INTS6L: variants seen among roughly 807,000 people sequenced by gnomAD.
The protein encoded by INTS6L is integrator complex subunit 6-like.
In INTS6L, 18 loss-of-function variants were observed where a neutral mutation model predicts 64.7. The observed-to-expected ratio is 0.28, with a 90% CI of 0.19 to 0.41. The LOEUF is 0.41. INTS6L is among the 10% of genes least tolerant of loss of function. The pLI is 1.00. For synonymous variants in INTS6L, 227 were observed against 235.9 expected (o/e 0.96, Z 0.34); for missense variants, 533 against 661.0 (o/e 0.81, Z 2.12).
At chrX:135,581,219 G>A in intron 17 of INTS6L, 76 bp downstream of exon 17, 2 of 776,236 alleles carry the variant, frequency 2.6e-6, no homozygotes, top group Non-Finnish European at 3.6e-6. Context: ...GAAAAAGAGA[G>A]GAATAGGCTC....
intron 8 of INTS6L, among the ~76,000 whole-genome samples, chrX:135,552,551 A>G (rs1556517447): frequency 8.9e-6 from 1 of 112,107 alleles, no homozygotes; most frequent in African/African-American, 3.2e-5. Context: ...GCAGAGAACC[A>G]TAAGTCCTGA....
rs782149398 is a variant in INTS6L at position 135,552,149 on chromosome X, A to G, written c.1059+3A>G. On this transcript the variant is annotated splice_donor_region_variant and intron_variant, in intron 8 of 17. Transcript: ENST00000639893. ...AGTCTCCCCATACCTGCTGGCAGGT[A>G]CTTATCCTTACCTATTAGCTAAATG... is the stretch of plus-strand genomic sequence containing the variant. The G allele has an allele frequency of 1.7e-6, 2 of 1,178,733 alleles. No individual in the cohort carries two copies. The highest frequency in any genetic ancestry group is 2.3e-6 in the Non-Finnish European group (2 of 882,526).
At chrX:135,531,592 G>A (rs1303999242) in intron 2 of INTS6L, among the ~76,000 whole-genome samples, 6 of 112,068 alleles carry the variant, frequency 5.4e-5, no homozygotes, top group Admixed American at 1.9e-4. Context: ...AGGTCCTCAT[G>A]TTTTTATGCT....
Position 135,570,549 on chromosome X carries a change from A to G in INTS6L, c.1398+3A>G, listed in dbSNP as rs2087064875. On this transcript the variant is annotated splice_donor_region_variant and intron_variant, in intron 11 of 17. Coordinates refer to ENST00000639893, the MANE Select transcript of INTS6L (RefSeq NM_001351601.3). ...ACCTTAAAAAACTCAGCCAACAGGT[A>G]GTATTGGTAAAAACAAACAAACAAA... is the stretch of plus-strand genomic sequence containing the variant. 8.7e-7 allele frequency: 1 copy of G among 1,151,552 alleles called. No individual in the cohort carries two copies. Among genetic ancestry groups the G allele is most frequent in the Non-Finnish European group, 1.1e-6 (1 of 871,503 alleles). The allele number at this position is 1,151,552 out of a possible 1,213,427, so 94.9% of individuals were successfully genotyped here. A position where few individuals can be genotyped will look rare whatever the true frequency, so the allele number is the denominator to read the frequency against.
Position 135,542,308 on chromosome X carries a change from G to A in INTS6L, c.190-3115G>A, listed in dbSNP as rs138922478. Among the ~76,000 whole-genome samples, 762 of 111,114 alleles carry A rather than the reference G, an allele frequency of 6.9e-3. 5 individuals carry two copies. Among genetic ancestry groups the A allele is most frequent in the African/African-American group, 0.023 (688 of 30,460 alleles). ...AGCTCAGGAGTTCAAGACTGCCCTG[G>A]GCAACATGGTGAAACCCTGAATATA... On this transcript the variant is annotated intron_variant, in intron 2 of 17. Coordinates refer to ENST00000639893, the MANE Select transcript of INTS6L (RefSeq NM_001351601.3).
chrX:135,560,057 G>A (rs10127349), intron 9 of INTS6L, among the ~76,000 whole-genome samples: 9,491 of 111,812 alleles, frequency 0.085, 659 homozygotes, highest in African/African-American at 0.22. Flanking sequence ...TGACAGATAG[G>A]TGACTTGCAA....
intron 6 of INTS6L, 48 bp from the exon 7 acceptor site, chrX:135,549,594 C>T (rs781956668): frequency 8.6e-7 from 1 of 1,161,654 alleles, no homozygotes; most frequent in South Asian, 2.0e-5. Flanking sequence ...AGATCAGCAG[C>T]TGTAAAAAGA....
rs1438927039 is a variant in INTS6L, at chrX:135,520,854, C to G, written c.-139C>G. The G allele has an allele frequency of 2.0e-5, 12 of 608,279 alleles. No individual in the cohort carries two copies. The highest frequency in any genetic ancestry group is 2.6e-5 in the South Asian group (1 of 37,934). The allele number at this position is 608,279 out of a possible 1,213,427, so 50.1% of individuals were successfully genotyped here. ...AGGCCAGGAGCGGTCCCATCCGTCCCGTCCCGTCCCGTCTCCCCCTCTTCC... is the reference window on the plus strand; with the variant it reads ...AGGCCAGGAGCGGTCCCATCCGTCCGGTCCCGTCCCGTCTCCCCCTCTTCC... On this transcript the variant is annotated 5_prime_UTR_variant, in exon 1 of 18. Transcript: ENST00000639893.
intron 2 of INTS6L, 151 bp downstream of exon 2, chrX:135,521,469 C>T: frequency 3.9e-6 from 2 of 516,530 alleles, no homozygotes; most frequent in Non-Finnish European, 5.9e-6. Flanking sequence ...GTGGTGCCGT[C>T]GGCGGCTTCG....
Position 135,577,431 on chromosome X carries a change from T to C in INTS6L, c.2119+4T>C. On this transcript the variant is annotated splice_donor_region_variant and intron_variant, in intron 15 of 17. Coordinates refer to ENST00000639893, the MANE Select transcript of INTS6L (RefSeq NM_001351601.3). ...AAACCCACCCTTGTACATACAGGTA[T>C]AGAGTAGTGGTTGTGATTTCCTTAT... 4 of 1,206,368 alleles carry C rather than the reference T, an allele frequency of 3.3e-6. No individual in the cohort carries two copies. Among genetic ancestry groups the C allele is most frequent in the East Asian group, 3.0e-5 (1 of 33,775 alleles).
intron 9 of INTS6L, among the ~76,000 whole-genome samples, chrX:135,557,245 G>A (rs1475843339): frequency 3.6e-5 from 4 of 111,641 alleles, no homozygotes; most frequent in Admixed American, 1.9e-4. Context: ...GTAAAAAAGT[G>A]TCTGTATTTT....
chrX:135,538,372 A>G (rs781858251), intron 2 of INTS6L, among the ~76,000 whole-genome samples: 2 of 112,547 alleles, frequency 1.8e-5, no homozygotes, highest in East Asian at 5.5e-4. Flanking sequence ...CTCATTCATT[A>G]AAGTTTTATT....
chrX:135,580,292 G>T, intron 16 of INTS6L, 130 bp downstream of exon 16: 2 of 751,505 alleles, frequency 2.7e-6, no homozygotes, highest in Non-Finnish European at 3.6e-6. Context: ...GTTTAAGGCA[G>T]TTCCTCTTGT....
chrX:135,544,986 A>T (rs1391954166), intron 2 of INTS6L, among the ~76,000 whole-genome samples: 2 of 112,115 alleles, frequency 1.8e-5, no homozygotes, highest in African/African-American at 6.5e-5. Context: ...CGGTGGAAGA[A>T]TCTTGGTTAG....
intron 8 of INTS6L, among the ~76,000 whole-genome samples, chrX:135,555,633 G>C (rs2086630759): frequency 8.9e-6 from 1 of 112,115 alleles, no homozygotes; most frequent in South Asian, 3.7e-4. Flanking sequence ...TTGTTGCATA[G>C]TATAGTTTCA....
At chrX:135,568,416 C>T (rs1309153903) in intron 9 of INTS6L, among the ~76,000 whole-genome samples, 3 of 110,158 alleles carry the variant, frequency 2.7e-5, no homozygotes, top group Non-Finnish European at 5.7e-5. Context: ...CACCCAATGA[C>T]TTTAGGTCAG....
chrX:135,572,262 TAA>T (rs1398827586), intron 11 of INTS6L: 1 of 112,767 alleles, frequency 8.9e-6, no homozygotes, highest in Non-Finnish European at 1.9e-5. Flanking sequence ...ACTTACTTAG[TAA>T]TATCTGTTAA....
chrX:135,572,664 A>C, intron 11 of INTS6L, 151 bp from the exon 12 acceptor site: 1 of 475,034 alleles, frequency 2.1e-6, no homozygotes, highest in Non-Finnish European at 3.5e-6. Flanking sequence ...TAGTGCAAAG[A>C]AGCACAGGAA....
intron 2 of INTS6L, among the ~76,000 whole-genome samples, chrX:135,543,636 G>A (rs781791125): frequency 1.8e-5 from 2 of 111,987 alleles, no homozygotes; most frequent in Admixed American, 1.9e-4. Context: ...TAGTTTGTCA[G>A]TAAAAAATCT....
Sources: allele counts gnomAD v4.1 joint callset (sites outside exome capture counted in the v4.1 genomes callset), GRCh38; gene constraint gnomAD v4.1.1; transcripts MANE v1.5; gene names NCBI Gene and HGNC (gene_info 2026-07-23, HGNC 2026-07-21).